Variants in KANK1 observed in about 807,000 individuals in gnomAD.
KANK1 encodes the protein KN motif and ankyrin repeat domains 1.
KANK1 carries 109 observed loss-of-function variants against 106.2 expected under a neutral mutation model. That is an observed-to-expected ratio of 1.03 (90% CI 0.88 to 1.20). The LOEUF is 1.20. Ranked by LOEUF, KANK1 falls within the 50% of genes most tolerant of loss-of-function variation. The pLI is 0.00. For missense variants in KANK1, 2,399 were observed against 1,710.7 expected, an observed-to-expected ratio of 1.40 and a Z score of -7.10; for synonymous variants, 873 against 652.2, an observed-to-expected ratio of 1.34 and a Z score of -5.16.
intron 1 of KANK1, among the ~76,000 whole-genome samples, chr9:545,839 G>A (rs1038563595): frequency 1.1e-4 from 17 of 150,788 alleles, no homozygotes; most frequent in African/African-American, 3.9e-4. Context: ...TCTGCCTCAC[G>A]GGTTCAGGTG....
At chr9:659,204 A>G (rs1454882387) in intron 1 of KANK1, among the ~76,000 whole-genome samples, 1 of 152,222 alleles carries the variant, frequency 6.6e-6, no homozygotes, top group Non-Finnish European at 1.5e-5. Context: ...AAACAAAGTT[A>G]GGCTTCCTGG....
intron 1 of KANK1, among the ~76,000 whole-genome samples, chr9:581,409 A>C (rs1466434513): frequency 2.0e-5 from 3 of 152,222 alleles, no homozygotes; most frequent in Admixed American, 6.5e-5. Context: ...CCTTCTCGTA[A>C]ATCTGTTTTA....
intron 3 of KANK1, among the ~76,000 whole-genome samples, chr9:473,718 T>G (rs1353906479): frequency 1.3e-5 from 2 of 152,002 alleles, no homozygotes; most frequent in Admixed American, 6.6e-5. Context: ...TTTTTTTTTT[T>G]GAGACAGAGT....
intron 1 of KANK1, among the ~76,000 whole-genome samples, chr9:637,812 A>G (rs1022117405): frequency 6.6e-6 from 1 of 152,188 alleles, no homozygotes; most frequent in South Asian, 2.1e-4. Context: ...TTTAAAAACT[A>G]TTAGACTGGG....
At chr9:729,234 C>G (rs935664091) in intron 3 of KANK1, among the ~76,000 whole-genome samples, 1 of 152,086 alleles carries the variant, frequency 6.6e-6, no homozygotes, top group Non-Finnish European at 1.5e-5. Flanking sequence ...TGTTTGATGC[C>G]CTCAAAATAT....
chr9:574,216 C>G (rs1819945524), intron 1 of KANK1, among the ~76,000 whole-genome samples: 1 of 152,258 alleles, frequency 6.6e-6, no homozygotes, highest in Non-Finnish European at 1.5e-5. Context: ...CTGTAACATT[C>G]CATAAAGGCT....
chr9:655,172 C>G (rs901306807), intron 1 of KANK1, among the ~76,000 whole-genome samples: 6 of 152,068 alleles, frequency 3.9e-5, no homozygotes, highest in African/African-American at 1.4e-4. Flanking sequence ...GAGCTCGGGA[C>G]CAGCCTGGCT....
intron 6 of KANK1, chr9:733,020 T>C (rs572875169): frequency 1.2e-5 from 2 of 163,806 alleles, no homozygotes; most frequent in African/African-American, 2.4e-5. Flanking sequence ...TACAGGATCA[T>C]TGTGTGGATG....
intron 3 of KANK1, among the ~76,000 whole-genome samples, chr9:714,180 C>T (rs144118479): frequency 5.9e-5 from 9 of 152,146 alleles, no homozygotes; most frequent in African/African-American, 2.2e-4. Context: ...CCTGTCCCTG[C>T]GGTGCTTACA....
In KANK1 at chr9:738,382, A is replaced by G; in HGVS notation, c.3431A>G (p.Glu1144Gly). 6.2e-7 allele frequency: 1 copy of G among 1,614,110 alleles called. No homozygotes were observed. The highest frequency in any genetic ancestry group is 2.2e-5 in the East Asian group (1 of 44,880). The change falls in exon 8 of 12, where the codon GAG (glutamate) becomes GGG (glycine). Residue 1144 changes from glutamate to glycine, a missense_variant. By Grantham distance (98) the Glu-to-Gly change is moderately conservative. Transcript: ENST00000382297. ...GTGGGGGACTACATAGCTGCTTTTG[A>G]GGCCATTTCCCCAGATGTCCTCCGC... is the stretch of plus-strand genomic sequence containing the variant. ...AMVGDYIAAF[E>G]AISPDVLRYV...
chr9:542,032 T>G lies in KANK1; in HGVS notation c.-84+37278T>G, dbSNP rs1044654819. 4.5e-3 allele frequency among the ~76,000 whole-genome samples: 686 copies of G among 150,954 alleles called. 5 individuals are homozygous for G. Among genetic ancestry groups the G allele is most frequent in the Non-Finnish European group, 6.0e-3 (406 of 67,766 alleles). On this transcript the variant is annotated intron_variant, in intron 1 of 11. Transcript: ENST00000382297. ...TGAACCCGGGAGGCGGAGCTTGCAG[T>G]GAGCCGAGATCGCGCCACTGCACTC...
intron 3 of KANK1, 26 bp downstream of exon 3, chr9:713,490 A>C (rs1254290567): frequency 5.2e-6 from 8 of 1,523,844 alleles, no homozygotes. Context: ...AGGACCTGGG[A>C]ATGAGGAAGG....
intron 1 of KANK1, among the ~76,000 whole-genome samples, chr9:619,182 G>T (rs1832569610): frequency 1.3e-5 from 2 of 152,184 alleles, no homozygotes; most frequent in Admixed American, 6.5e-5. Context: ...ATACTTAAAA[G>T]GAACAGGGGA....
chr9:530,356 A>T (rs187026196), intron 1 of KANK1, among the ~76,000 whole-genome samples: 15 of 152,232 alleles, frequency 9.9e-5, no homozygotes, highest in African/African-American at 3.4e-4. Flanking sequence ...TGTAGTTTCA[A>T]TATTTTTATA....
intron 3 of KANK1, among the ~76,000 whole-genome samples, chr9:728,921 A>G (rs913913657): frequency 6.6e-6 from 1 of 152,164 alleles, no homozygotes; most frequent in African/African-American, 2.4e-5. Flanking sequence ...CCTTACATGC[A>G]TTGATTTGTG....
intron 3 of KANK1, chr9:484,267 C>T (rs1024301269): frequency 1.3e-5 from 2 of 152,226 alleles, no homozygotes; most frequent in African/African-American, 4.8e-5. Flanking sequence ...TACAGAGGGC[C>T]CATCTCTGTT....
intron 3 of KANK1, among the ~76,000 whole-genome samples, chr9:714,597 A>G (rs1201291344): frequency 1.3e-5 from 2 of 152,026 alleles, no homozygotes; most frequent in South Asian, 4.2e-4. Flanking sequence ...ACCTCAGGTG[A>G]TCTACCCACC....
chr9:574,579 G>A (rs957350719), intron 1 of KANK1, among the ~76,000 whole-genome samples: 1 of 152,044 alleles, frequency 6.6e-6, no homozygotes, highest in Non-Finnish European at 1.5e-5. Flanking sequence ...TTTCTCAGCC[G>A]CGCGTGGTGG....
At chr9:583,504 T>G (rs1822684082) in intron 1 of KANK1, among the ~76,000 whole-genome samples, 1 of 152,058 alleles carries the variant, frequency 6.6e-6, no homozygotes, top group South Asian at 2.1e-4. Context: ...GGAAACGAAT[T>G]GTAATACACA....
Sources: gnomAD v4.1 joint callset for allele counts (sites outside exome capture counted in the v4.1 genomes callset) on GRCh38, gnomAD v4.1.1 for gene constraint, MANE v1.5 for transcripts, NCBI Gene and HGNC (gene_info 2026-07-23, HGNC 2026-07-21) for gene names.